DMTF1: variants seen among roughly 807,000 people sequenced by gnomAD.
DMTF1 encodes the protein cyclin-D-binding Myb-like transcription factor 1.
A neutral mutation model predicts 91.1 loss-of-function variants in DMTF1; 39 were observed. The ratio of observed to expected loss-of-function variants is 0.43; its 90% CI spans 0.33 to 0.56. The LOEUF (loss-of-function observed/expected upper bound fraction) is 0.56. Among genes scored for constraint, DMTF1 ranks in the 20% least tolerant of loss-of-function variants. The pLI is 0.05. For missense variants in DMTF1, 750 were observed against 914.5 expected (o/e 0.82, Z 2.32); for synonymous variants, 338 against 309.5 (o/e 1.09, Z -0.97).
intron 12 of DMTF1, chr7:87,187,374 A>C (rs1461621284): frequency 6.6e-6 from 1 of 152,368 alleles, no homozygotes; most frequent in Non-Finnish European, 1.5e-5. Flanking sequence ...TTACTACAGA[A>C]AAAATAAAAA....
intron 12 of DMTF1, chr7:87,187,226 G>A (rs1798653880): frequency 6.6e-6 from 1 of 152,130 alleles, no homozygotes; most frequent in African/African-American, 2.4e-5. Context: ...TGATGAAAAT[G>A]TGGTTTTTTA....
chr7:87,156,992 A>C (rs1432824832), intron 1 of DMTF1, among the ~76,000 whole-genome samples: 1 of 152,194 alleles, frequency 6.6e-6, no homozygotes, highest in East Asian at 1.9e-4. Flanking sequence ...TACAGTAAGT[A>C]CAAAAAAGTG....
At chr7:87,165,956 G>A (rs1423738835) in intron 3 of DMTF1, among the ~76,000 whole-genome samples, 10 of 152,192 alleles carry the variant, frequency 6.6e-5, no homozygotes, top group Non-Finnish European at 1.3e-4. Flanking sequence ...TTTAACCAGT[G>A]TCCTACCTAT....
intron 13 of DMTF1, among the ~76,000 whole-genome samples, chr7:87,188,741 T>C (rs1799046211): frequency 6.6e-6 from 1 of 152,162 alleles, no homozygotes; most frequent in African/African-American, 2.4e-5. Flanking sequence ...TTGGCAAGGT[T>C]AAGAATGATT....
At chr7:87,165,147 A>AAACTCATAGGCACC in intron 3 of DMTF1, 97 bp downstream of exon 3, 2 of 702,024 alleles carry the variant, frequency 2.8e-6, no homozygotes, top group Non-Finnish European at 4.8e-6. Context: ...CTAGGTGCCT[A>AAACTCATAGGCACC]TGAGTTTAGG....
At chr7:87,153,414 A>G (rs1304996488) in intron 1 of DMTF1, among the ~76,000 whole-genome samples, 1 of 152,236 alleles carries the variant, frequency 6.6e-6, no homozygotes, top group Non-Finnish European at 1.5e-5. Context: ...GGAGGTATGT[A>G]GAATGTTTTA....
At chr7:87,188,398 T>C in intron 13 of DMTF1, 97 bp downstream of exon 13, 1 of 1,318,294 alleles carries the variant, frequency 7.6e-7, no homozygotes, top group East Asian at 2.3e-5. Flanking sequence ...TAATAGAAAT[T>C]TACCCAAGTC....
At chr7:87,184,375 C>A in intron 10 of DMTF1, 22 bp from the exon 11 acceptor site, 1 of 1,606,714 alleles carries the variant, frequency 6.2e-7, no homozygotes, top group South Asian at 1.1e-5. Flanking sequence ...CAGTGGTAGT[C>A]TGGATGATTT....
intron 4 of DMTF1, among the ~76,000 whole-genome samples, chr7:87,169,331 C>T (rs186917091): frequency 9.9e-4 from 150 of 152,040 alleles, no homozygotes; most frequent in African/African-American, 3.2e-3. Context: ...TGGTGGTGCA[C>T]GCCTGTAATC....
At chr7:87,191,477 C>T (rs1179296150) in intron 14 of DMTF1, among the ~76,000 whole-genome samples, 1 of 152,092 alleles carries the variant, frequency 6.6e-6, no homozygotes, top group African/African-American at 2.4e-5. Flanking sequence ...CCAAAGGATC[C>T]ACCTAAGAGA....
At chr7:87,154,746 C>T (rs1790231239) in intron 1 of DMTF1, among the ~76,000 whole-genome samples, 1 of 152,072 alleles carries the variant, frequency 6.6e-6, no homozygotes, top group South Asian at 2.1e-4. Context: ...AGATAGCTGT[C>T]CTCTAGTCCT....
intron 11 of DMTF1, 173 bp downstream of exon 11, chr7:87,184,798 G>A: frequency 1.4e-6 from 1 of 719,118 alleles, no homozygotes; most frequent in Non-Finnish European, 2.5e-6. Context: ...TTTGTGTTGT[G>A]TTTGTTCCTT....
At chr7:87,184,750 C>T in intron 11 of DMTF1, 125 bp downstream of exon 11, 1 of 810,346 alleles carries the variant, frequency 1.2e-6, no homozygotes, top group Admixed American at 2.0e-5. Context: ...TAGAGCACTA[C>T]TGTTTAAGAT....
chr7:87,190,265 CT>C (rs1799446733), intron 13 of DMTF1, among the ~76,000 whole-genome samples: 1 of 151,694 alleles, frequency 6.6e-6, no homozygotes, highest in African/African-American at 2.4e-5. Flanking sequence ...TTTACAAGCA[CT>C]TTTGATCCTC....
chr7:87,155,023 T>C (rs1215320756), intron 1 of DMTF1, among the ~76,000 whole-genome samples: 1 of 152,212 alleles, frequency 6.6e-6, no homozygotes, highest in Non-Finnish European at 1.5e-5. Flanking sequence ...CATCTCATTA[T>C]TTTAAACAGT....
intron 7 of DMTF1, 30 bp from the exon 8 acceptor site, chr7:87,179,515 C>A: frequency 6.8e-7 from 1 of 1,471,728 alleles, no homozygotes; most frequent in Non-Finnish European, 9.0e-7. Context: ...TATCAGAAAT[C>A]CCTAAATCAA....
chr7:87,188,258 C>T lies in DMTF1; in HGVS notation c.1368C>T (p.Ser456=), dbSNP rs993525139. The part of the protein sequence containing the change: ...RLEDNTAISS[S]PMAALQIPVQ... ...AAGATAATACAGCCATCTCTTCTAGCCCCATGGCAGCATTGCAGATTCCAG... is the reference window on the plus strand; with the variant it reads ...AAGATAATACAGCCATCTCTTCTAGTCCCATGGCAGCATTGCAGATTCCAG... The change falls in exon 13 of 18, where the codon AGC becomes AGT. Residue 456 remains serine, a synonymous_variant. Transcript: ENST00000331242. 1.2e-6 allele frequency: 2 copies of T among 1,613,794 alleles called. No individual in the cohort carries two copies. Among genetic ancestry groups the T allele is most frequent in the African/African-American group, 2.7e-5 (2 of 74,908 alleles).
At chr7:87,184,086 A>G (rs1188411274) in intron 10 of DMTF1, among the ~76,000 whole-genome samples, 1 of 152,116 alleles carries the variant, frequency 6.6e-6, no homozygotes, top group African/African-American at 2.4e-5. Flanking sequence ...TTCCCACTTC[A>G]CTGTTTATAA....
At chr7:87,166,399 A>G (rs1016126715) in intron 3 of DMTF1, 84 bp from the exon 4 acceptor site, 18 of 1,407,180 alleles carry the variant, frequency 1.3e-5, no homozygotes, top group African/African-American at 2.9e-5. Flanking sequence ...TTTTTAATAG[A>G]TAAGAAAATT....
Sources: gnomAD v4.1 joint callset for allele counts (sites outside exome capture counted in the v4.1 genomes callset) on GRCh38, gnomAD v4.1.1 for gene constraint, MANE v1.5 for transcripts, NCBI Gene and HGNC (gene_info 2026-07-23, HGNC 2026-07-21) for gene names.